Variants in NSMCE2 observed in about 807,000 individuals in gnomAD.
NSMCE2 encodes the protein NSE2 SUMO ligase component of SMC5/6 complex.
In NSMCE2, 24 loss-of-function variants were observed where a neutral mutation model predicts 23.8. That is an observed-to-expected ratio of 1.01 (90% confidence interval 0.73 to 1.42). The LOEUF (loss-of-function observed/expected upper bound fraction) is 1.42, where lower values mean the gene tolerates loss of function less well. Among genes scored for constraint, NSMCE2 ranks in the 40% most tolerant of loss-of-function variants. The pLI, the probability that NSMCE2 is intolerant of heterozygous loss-of-function variation, is 0.00. For missense variants in NSMCE2, 284 were observed against 296.5 expected, an observed-to-expected ratio of 0.96 and a Z score of 0.31; for synonymous variants, 92 against 94.1, an observed-to-expected ratio of 0.98 and a Z score of 0.13.
chr8:125,125,112 T>C (rs942875202), intron 3 of NSMCE2, among the ~76,000 whole-genome samples: 12 of 152,136 alleles, frequency 7.9e-5, no homozygotes, highest in African/African-American at 2.9e-4. Context: ...CAAGATCATG[T>C]CATCTGTGAA....
intron 4 of NSMCE2, among the ~76,000 whole-genome samples, chr8:125,164,576 T>G (rs7823012): frequency 9.1e-4 from 138 of 152,288 alleles, no homozygotes; most frequent in African/African-American, 3.3e-3. Context: ...GGGATTCTAT[T>G]AGAATTAAGG....
intron 5 of NSMCE2, among the ~76,000 whole-genome samples, chr8:125,276,704 T>C (rs1257952455): frequency 1.3e-5 from 2 of 152,242 alleles, no homozygotes; most frequent in Non-Finnish European, 2.9e-5. Flanking sequence ...TATTATACTA[T>C]ATACAGATGT....
At chr8:125,263,210 C>G (rs1429723001) in intron 5 of NSMCE2, among the ~76,000 whole-genome samples, 1 of 152,186 alleles carries the variant, frequency 6.6e-6, no homozygotes, top group Non-Finnish European at 1.5e-5. Flanking sequence ...GCAGCCTAGA[C>G]TTGGATTTGA....
rs112762805 is a variant in NSMCE2 at position 125,142,418 on chromosome 8, G to A, written c.158-8753G>A. On this transcript the variant is annotated intron_variant, in intron 3 of 7. Transcript: ENST00000287437. ...TACTGTATTACATCGTCTCTCTTCT[G>A]TGTCACGATGATGAGGGAATTGTGT... Among the ~76,000 whole-genome samples the A allele has an allele frequency of 3.0e-3, 456 of 152,254 alleles. 2 individuals are homozygous for A. Among genetic ancestry groups the A allele is most frequent in the African/African-American group, 0.01 (430 of 41,544 alleles).
intron 5 of NSMCE2, among the ~76,000 whole-genome samples, chr8:125,243,386 G>T (rs142394894): frequency 3.1e-3 from 465 of 152,178 alleles, no homozygotes; most frequent in Non-Finnish European, 5.1e-3. Flanking sequence ...AGGGCCTTAA[G>T]CTGAAAGATG....
At chr8:125,186,911 A>G (rs956094772) in intron 5 of NSMCE2, among the ~76,000 whole-genome samples, 1 of 152,206 alleles carries the variant, frequency 6.6e-6, no homozygotes, top group Non-Finnish European at 1.5e-5. Flanking sequence ...GATTTTCCCA[A>G]TAGTTATGTC....
chr8:125,277,638 C>T (rs1481474221), intron 5 of NSMCE2, among the ~76,000 whole-genome samples: 1 of 152,048 alleles, frequency 6.6e-6, no homozygotes, highest in African/African-American at 2.4e-5. Flanking sequence ...TCCCGAGTAG[C>T]TGGGACTACA....
intron 5 of NSMCE2, among the ~76,000 whole-genome samples, chr8:125,192,043 G>C (rs966080042): frequency 7.2e-5 from 11 of 152,172 alleles, no homozygotes; most frequent in African/African-American, 2.7e-4. Context: ...TGAGTCAGCA[G>C]CAAGTTTAAA....
At chr8:125,129,244 T>C (rs769860961) in intron 3 of NSMCE2, among the ~76,000 whole-genome samples, 10 of 152,034 alleles carry the variant, frequency 6.6e-5, no homozygotes, top group Admixed American at 2.0e-4. Flanking sequence ...GGTAGTGAGA[T>C]TGAGAAGGAG....
intron 5 of NSMCE2, among the ~76,000 whole-genome samples, chr8:125,204,396 G>T (rs1461814585): frequency 6.6e-6 from 1 of 152,100 alleles, no homozygotes; most frequent in African/African-American, 2.4e-5. Flanking sequence ...TTTCCCGAGA[G>T]GACACTATAC....
intron 5 of NSMCE2, among the ~76,000 whole-genome samples, chr8:125,215,190 C>A (rs544180917): frequency 7.1e-6 from 1 of 141,584 alleles, no homozygotes; most frequent in Non-Finnish European, 1.5e-5. Flanking sequence ...ATCCCTCCCC[C>A]CTCCCCCTAC....
At chr8:125,170,669 A>G (rs1158888767) in intron 4 of NSMCE2, among the ~76,000 whole-genome samples, 1 of 151,916 alleles carries the variant, frequency 6.6e-6, no homozygotes, top group Admixed American at 6.6e-5. Flanking sequence ...TGGCCTCCCA[A>G]AGTGCTGGGA....
At chr8:125,196,203 CTT>C (rs59684072) in intron 5 of NSMCE2, among the ~76,000 whole-genome samples, 5 of 133,970 alleles carry the variant, frequency 3.7e-5, no homozygotes. Flanking sequence ...TTTTTTTTTT[CTT>C]TTTTTTTTTT....
intron 5 of NSMCE2, among the ~76,000 whole-genome samples, chr8:125,329,129 A>G (rs901337801): frequency 2.3e-4 from 35 of 152,238 alleles, no homozygotes; most frequent in African/African-American, 8.4e-4. Flanking sequence ...CATGCTTGGT[A>G]AAATCCCTAC....
chr8:125,332,016 A>G (rs752773361), intron 5 of NSMCE2, among the ~76,000 whole-genome samples: 4 of 152,176 alleles, frequency 2.6e-5, no homozygotes, highest in Non-Finnish European at 5.9e-5. Context: ...CATCCCTGCC[A>G]TGTAAGTAGC....
chr8:125,194,933 C>G (rs1823543454), intron 5 of NSMCE2, among the ~76,000 whole-genome samples: 1 of 151,942 alleles, frequency 6.6e-6, no homozygotes, highest in Admixed American at 6.6e-5. Context: ...ATATCTTCTA[C>G]ATTTATTCTT....
intron 3 of NSMCE2, among the ~76,000 whole-genome samples, chr8:125,117,499 C>A (rs1819065062): frequency 6.6e-6 from 1 of 152,014 alleles, no homozygotes; most frequent in African/African-American, 2.4e-5. Context: ...AATGCGTTTT[C>A]TTTGTTCCAT....
chr8:125,144,849 A>G (rs1820585421), intron 3 of NSMCE2, among the ~76,000 whole-genome samples: 1 of 152,246 alleles, frequency 6.6e-6, no homozygotes, highest in South Asian at 2.1e-4. Context: ...TGTTGATCAT[A>G]TAACTTTAAT....
intron 1 of NSMCE2, among the ~76,000 whole-genome samples, chr8:125,094,885 G>C (rs1817852469): frequency 6.6e-6 from 1 of 151,904 alleles, no homozygotes; most frequent in Non-Finnish European, 1.5e-5. Flanking sequence ...AGAGGGTCTC[G>C]CTCTGTTGCC....
Sources: gnomAD v4.1 joint callset for allele counts (sites outside exome capture counted in the v4.1 genomes callset) on GRCh38, gnomAD v4.1.1 for gene constraint, MANE v1.5 for transcripts, NCBI Gene and HGNC (gene_info 2026-07-23, HGNC 2026-07-21) for gene names.